The following MYO1B variants were observed in gnomAD, a reference collection of about 807,000 sequenced individuals.
MYO1B encodes the protein unconventional myosin-Ib.
Under a neutral mutation model 159.7 loss-of-function variants are expected in MYO1B, and 72 were observed. That is an observed-to-expected ratio of 0.45 (90% CI 0.37 to 0.55). The LOEUF is 0.55. Ranked by LOEUF, MYO1B falls within the 20% of genes least tolerant of loss-of-function variation. The pLI is 0.00. For missense variants in MYO1B, 1,062 were observed against 1,364.8 expected (o/e 0.78, Z 3.50); for synonymous variants, 468 against 473.8 (o/e 0.99, Z 0.16).
rs774707220 is a variant in MYO1B at position 191,402,666 on chromosome 2, C to A, written c.2504C>A (p.Ala835Asp). 6.2e-7 allele frequency: 1 copy of A among 1,613,692 alleles called. No homozygotes were observed. The highest frequency in any genetic ancestry group is 8.5e-7 in the Non-Finnish European group (1 of 1,179,768). ...RRELKRLKEE[A>D]RRKHAVAVIW... ...GAATTGAAACGCTTGAAGGAGGAGGCTAGGCGTAAGCATGCAGTTGCTGTC... is the reference window on the plus strand; with the variant it reads ...GAATTGAAACGCTTGAAGGAGGAGGATAGGCGTAAGCATGCAGTTGCTGTC... The change falls in exon 24 of 31, where the codon GCT (alanine) becomes GAT (aspartate). Residue 835 changes from alanine (A) to aspartate (D), a missense_variant. By Grantham distance (126) the Ala-to-Asp change is moderately radical. Coordinates refer to ENST00000392318, the MANE Select transcript of MYO1B (RefSeq NM_001130158.3).
intron 29 of MYO1B, 151 bp from the exon 30 acceptor site, chr2:191,415,964 C>T (rs1697537696): frequency 2.0e-5 from 19 of 931,878 alleles, no homozygotes; most frequent in Non-Finnish European, 2.9e-5. Context: ...TTGGAAGAAA[C>T]ACTGCTTTTG....
intron 3 of MYO1B, among the ~76,000 whole-genome samples, chr2:191,324,060 G>A (rs898652243): frequency 2.6e-5 from 4 of 151,872 alleles, no homozygotes; most frequent in African/African-American, 9.7e-5. Context: ...AAAGTGCAGT[G>A]CCTTAAAAAA....
At chr2:191,319,149 C>G (rs993843916) in intron 3 of MYO1B, among the ~76,000 whole-genome samples, 18 of 152,292 alleles carry the variant, frequency 1.2e-4, no homozygotes, top group African/African-American at 4.1e-4. Flanking sequence ...TTTTGTTATG[C>G]AGACACTTTA....
intron 1 of MYO1B, among the ~76,000 whole-genome samples, chr2:191,260,196 T>TAG (rs1686711469): frequency 6.7e-6 from 1 of 149,736 alleles, no homozygotes; most frequent in Non-Finnish European, 1.5e-5. Flanking sequence ...GCTATCCCTG[T>TAG]AGAGCCTGGG....
intron 4 of MYO1B, among the ~76,000 whole-genome samples, chr2:191,340,885 C>G (rs2125949774): frequency 6.6e-6 from 1 of 152,038 alleles, no homozygotes; most frequent in Non-Finnish European, 1.5e-5. Context: ...GCCACCATGC[C>G]CGGCTTATTT....
At chr2:191,276,816 G>A in intron 1 of MYO1B, 71 bp from the exon 2 acceptor site, 1 of 1,509,178 alleles carries the variant, frequency 6.6e-7, no homozygotes, top group Non-Finnish European at 8.9e-7. Flanking sequence ...TTGGATTTCT[G>A]CAGTAGTGCC....
intron 5 of MYO1B, among the ~76,000 whole-genome samples, chr2:191,344,030 G>T (rs979708373): frequency 6.6e-6 from 1 of 152,114 alleles, no homozygotes; most frequent in Non-Finnish European, 1.5e-5. Context: ...ATGGTTTATG[G>T]CTTGCAAATA....
rs1262181331 is a variant in MYO1B at position 191,409,102 on chromosome 2, A to C, written c.2690A>C (p.Lys897Thr). The change falls in exon 26 of 31, where the codon AAG (lysine) becomes ACG (threonine). Residue 897 changes from lysine to threonine, a missense_variant. By Grantham distance (78) the Lys-to-Thr change is moderately conservative. Coordinates refer to ENST00000392318, the MANE Select transcript of MYO1B (RefSeq NM_001130158.3). ...ATGCCTTCCTTATCTCCAATAGACA[A>C]GAATTGGCCCTCAAGACCTTACTTA... ...NKMPSLSPID[K>T]NWPSRPYLFL... 1 of 1,613,526 alleles carries C rather than the reference A, an allele frequency of 6.2e-7. No homozygotes were observed. The highest frequency in any genetic ancestry group is 8.5e-7 in the Non-Finnish European group (1 of 1,179,842).
chr2:191,294,164 A>G lies in MYO1B; in HGVS notation c.136-1947A>G, dbSNP rs79483091. On this transcript the variant is annotated intron_variant, in intron 2 of 30. Coordinates refer to ENST00000392318, the MANE Select transcript of MYO1B (RefSeq NM_001130158.3). ...CACAAGGAACAAAGAGAAACTTACAACTTATTACTGTGGCTTTTGATTTTG... is the reference window on the plus strand; with the variant it reads ...CACAAGGAACAAAGAGAAACTTACAGCTTATTACTGTGGCTTTTGATTTTG... Among the ~76,000 whole-genome samples the G allele has an allele frequency of 3.3e-4, 50 of 152,280 alleles. No individual in the cohort carries two copies. In the East Asian group the frequency reaches 7.5e-3, roughly 23 times the overall value.
rs531304957 is a variant in MYO1B at position 191,321,544 on chromosome 2, G to A, written c.252-8391G>A. ...AAGAGATAGTAAAAATGCTTTAAGAGCTTATTGAATTTGAATTAAGATCCC... is the reference window on the plus strand; with the variant it reads ...AAGAGATAGTAAAAATGCTTTAAGAACTTATTGAATTTGAATTAAGATCCC... On this transcript the variant is annotated intron_variant, in intron 3 of 30. Transcript: ENST00000392318. 2.0e-5 allele frequency among the ~76,000 whole-genome samples: 3 copies of A among 152,264 alleles called. No individual in the cohort carries two copies. In the East Asian group the frequency reaches 5.8e-4, roughly 29 times the overall value.
At chr2:191,260,910 A>C (rs1014902021) in intron 1 of MYO1B, among the ~76,000 whole-genome samples, 10 of 152,186 alleles carry the variant, frequency 6.6e-5, no homozygotes, top group Non-Finnish European at 1.3e-4. Flanking sequence ...TGGTAGTTGG[A>C]TATACTTTTG....
In MYO1B at chr2:191,369,562, T is replaced by C. The variant is rs1694233391; in HGVS notation, c.1053T>C (p.Ala351=). 2.5e-6 allele frequency: 4 copies of C among 1,613,348 alleles called. No homozygotes were observed. The highest frequency in any genetic ancestry group is 2.5e-6 in the Non-Finnish European group (3 of 1,179,550). The change falls in exon 12 of 31, where the codon GCT becomes GCC. Residue 351 remains alanine, a synonymous_variant. Transcript: ENST00000392318. ...NVAQAYYARD[A]LAKNLYSRLF... is the part of the protein sequence containing the mutation. The stretch of plus-strand genomic sequence containing the variant: ...AATAGGCTTATTATGCCCGTGATGC[T>C]CTGGCTAAAAACCTCTACAGCAGGT...
intron 3 of MYO1B, among the ~76,000 whole-genome samples, chr2:191,304,214 C>T (rs1270867770): frequency 6.6e-6 from 1 of 152,202 alleles, no homozygotes; most frequent in East Asian, 1.9e-4. Flanking sequence ...ACGAACTGAA[C>T]TTGCTGCCTT....
chr2:191,410,789 A>G (rs1481899792), intron 26 of MYO1B, among the ~76,000 whole-genome samples: 2 of 152,162 alleles, frequency 1.3e-5, no homozygotes, highest in African/African-American at 4.8e-5. Context: ...GGATTGACAT[A>G]GTGGGAGGAA....
intron 30 of MYO1B, among the ~76,000 whole-genome samples, chr2:191,423,452 C>T: frequency 6.6e-6 from 1 of 152,164 alleles, no homozygotes; most frequent in East Asian, 1.9e-4. Context: ...TTACATCAGT[C>T]ACCACAAACA....
rs771756592 is a variant in MYO1B at position 191,423,983 on chromosome 2, A to G, written c.*23A>G. On this transcript the variant is annotated 3_prime_UTR_variant, in exon 31 of 31. Coordinates refer to ENST00000392318, the MANE Select transcript of MYO1B (RefSeq NM_001130158.3). ...TAACTGGCGCCTCCTCTCTACTTTC[A>G]TGGACTTGTTCCTTTGTAATAGTGC... The G allele has an allele frequency of 1.2e-6, 2 of 1,610,242 alleles. No individual in the cohort carries two copies. The highest frequency in any genetic ancestry group is 3.4e-5 in the Admixed American group (2 of 59,286).
Position 191,276,980 on chromosome 2 carries a change from G to T in MYO1B, c.85G>T (p.Glu29Ter). 6.2e-7 allele frequency: 1 copy of T among 1,613,976 alleles called. No individual in the cohort carries two copies. Among genetic ancestry groups the T allele is most frequent in the Non-Finnish European group, 8.5e-7 (1 of 1,179,966 alleles). ...DMVLLEPLNE[E>*]TFINNLKKRF... is the part of the protein sequence containing the mutation. ...GGTTCTTTTAGAACCTCTCAATGAG[G>T]AGACCTTCATCAACAACCTCAAGAA... Residue 29 changes from glutamate to a stop codon, truncating the protein, a stop_gained, in exon 2 of 31, where the codon GAG (glutamate) becomes TAG (stop). Coordinates refer to ENST00000392318, the MANE Select transcript of MYO1B (RefSeq NM_001130158.3). LOFTEE classifies it high-confidence loss of function.
intron 14 of MYO1B, among the ~76,000 whole-genome samples, chr2:191,383,054 T>C (rs1574563307): frequency 6.6e-6 from 1 of 152,160 alleles, no homozygotes; most frequent in East Asian, 1.9e-4. Flanking sequence ...GAAGGCAGTC[T>C]CAGAACAGGT....
chr2:191,321,049 T>A (rs1690678522), intron 3 of MYO1B, among the ~76,000 whole-genome samples: 1 of 152,128 alleles, frequency 6.6e-6, no homozygotes, highest in African/African-American at 2.4e-5. Context: ...TTGACTCTTG[T>A]AAACATGAAA....
Sources: allele counts gnomAD v4.1 joint callset (sites outside exome capture counted in the v4.1 genomes callset), GRCh38; gene constraint gnomAD v4.1.1; transcripts MANE v1.5; gene names NCBI Gene and HGNC (gene_info 2026-07-23, HGNC 2026-07-21).